KCNH7: variants seen among roughly 807,000 people sequenced by gnomAD.
KCNH7 encodes voltage-gated inwardly rectifying potassium channel KCNH7.
Under a neutral mutation model 120.8 loss-of-function variants are expected in KCNH7, and 49 were observed. That is an observed-to-expected ratio of 0.41 (90% CI 0.32 to 0.51). KCNH7 has a LOEUF of 0.51. Ranked by LOEUF, KCNH7 falls within the 20% of genes least tolerant of loss-of-function variation. The pLI is 0.38. For missense variants in KCNH7, 1,097 were observed against 1,446.6 expected, an observed-to-expected ratio of 0.76 and a Z score of 3.92; for synonymous variants, 547 against 516.1, an observed-to-expected ratio of 1.06 and a Z score of -0.81.
intron 2 of KCNH7, among the ~76,000 whole-genome samples, chr2:162,665,243 T>C (rs1338595140): frequency 6.6e-6 from 1 of 152,142 alleles, no homozygotes; most frequent in Admixed American, 6.5e-5. Context: ...TCATGTCAAA[T>C]TGCAATTTGT....
At chr2:162,388,062 T>G (rs996135227) in intron 12 of KCNH7, among the ~76,000 whole-genome samples, 1 of 151,754 alleles carries the variant, frequency 6.6e-6, no homozygotes, top group Non-Finnish European at 1.5e-5. Flanking sequence ...ATTATTACAT[T>G]GGAAAATTGG....
chr2:162,467,348 C>T (rs1689342733), intron 6 of KCNH7, among the ~76,000 whole-genome samples: 1 of 152,176 alleles, frequency 6.6e-6, no homozygotes, highest in African/African-American at 2.4e-5. Context: ...GAGCTGAAGC[C>T]TAATAGGAGG....
intron 3 of KCNH7, among the ~76,000 whole-genome samples, chr2:162,531,854 C>G (rs1691936124): frequency 6.6e-6 from 1 of 151,874 alleles, no homozygotes; most frequent in African/African-American, 2.4e-5. Flanking sequence ...AAATTATCAG[C>G]TGAGGTATGT....
At chr2:162,724,374 C>T (rs1002383540) in intron 2 of KCNH7, among the ~76,000 whole-genome samples, 5 of 152,076 alleles carry the variant, frequency 3.3e-5, no homozygotes, top group Admixed American at 2.6e-4. Context: ...ATAGAATAAA[C>T]ATAAGAATAT....
intron 8 of KCNH7, among the ~76,000 whole-genome samples, chr2:162,427,665 T>A (rs1687910945): frequency 6.6e-6 from 1 of 151,924 alleles, no homozygotes; most frequent in Non-Finnish European, 1.5e-5. Flanking sequence ...CTTTTCTTAA[T>A]GGTGTGTTTT....
intron 2 of KCNH7, among the ~76,000 whole-genome samples, chr2:162,655,429 T>C (rs1220731923): frequency 1.3e-5 from 2 of 152,148 alleles, no homozygotes; most frequent in Non-Finnish European, 2.9e-5. Context: ...TTATTTGTGG[T>C]GAAATCTTGG....
At chr2:162,601,325 T>C (rs1319638461) in intron 2 of KCNH7, among the ~76,000 whole-genome samples, 1 of 151,070 alleles carries the variant, frequency 6.6e-6, no homozygotes, top group Non-Finnish European at 1.5e-5. Context: ...TGGCTCCAAA[T>C]TCATTTGCCA....
chr2:162,809,552 G>A (rs1036125075), intron 2 of KCNH7, among the ~76,000 whole-genome samples: 3 of 152,062 alleles, frequency 2.0e-5, no homozygotes, highest in African/African-American at 7.2e-5. Flanking sequence ...GTGCATTTTA[G>A]TAAAAAATAA....
intron 2 of KCNH7, among the ~76,000 whole-genome samples, chr2:162,537,571 T>C (rs999988351): frequency 1.3e-5 from 2 of 152,096 alleles, no homozygotes; most frequent in African/African-American, 4.8e-5. Flanking sequence ...GACTCTATCT[T>C]ATATATGTTA....
intron 5 of KCNH7, among the ~76,000 whole-genome samples, chr2:162,506,561 G>T (rs910646417): frequency 1.3e-5 from 2 of 151,850 alleles, no homozygotes; most frequent in Admixed American, 1.3e-4. Flanking sequence ...AGATAACAGA[G>T]ATCAAATATA....
intron 2 of KCNH7, among the ~76,000 whole-genome samples, chr2:162,608,292 A>G (rs1439661424): frequency 6.6e-6 from 1 of 152,196 alleles, no homozygotes; most frequent in Non-Finnish European, 1.5e-5. Flanking sequence ...AACGTAATTC[A>G]GTACTTTTAA....
intron 2 of KCNH7, among the ~76,000 whole-genome samples, chr2:162,770,068 G>A (rs1682986086): frequency 6.6e-6 from 1 of 151,914 alleles, no homozygotes; most frequent in South Asian, 2.1e-4. Context: ...TGAAACAATT[G>A]GCTGGTTTAA....
chr2:162,371,644 AT>A lies in KCNH7; in HGVS notation c.*184del. Reference sequence around the variant, plus strand: ...TTAACATTTGGAACCAAAAGTTCTTATGTATATTTACATCCTAACTGCTCAG... The same window carrying A: ...TTAACATTTGGAACCAAAAGTTCTTAGTATATTTACATCCTAACTGCTCAG... On this transcript the variant is annotated 3_prime_UTR_variant, in exon 16 of 16. Coordinates refer to ENST00000332142, the MANE Select transcript of KCNH7 (RefSeq NM_033272.4). The A allele has an allele frequency of 1.3e-6, 1 of 772,246 alleles. No individual in the cohort carries two copies. The highest frequency in any genetic ancestry group is 2.0e-6 in the Non-Finnish European group (1 of 512,380). The allele number at this position is 772,246 out of a possible 1,614,324, so 47.8% of individuals were successfully genotyped here. A position where few individuals can be genotyped will look rare whatever the true frequency, so the allele number is the denominator to read the frequency against.
chr2:162,678,078 TTAATA>T (rs1379592573), intron 2 of KCNH7, among the ~76,000 whole-genome samples: 1 of 149,266 alleles, frequency 6.7e-6, no homozygotes, highest in African/African-American at 2.5e-5. Context: ...AATCATTTAA[TTAATA>T]TATGTGTAGA....
chr2:162,624,058 T>A (rs1287191097), intron 2 of KCNH7, among the ~76,000 whole-genome samples: 4 of 152,166 alleles, frequency 2.6e-5, no homozygotes, highest in Admixed American at 2.6e-4. Context: ...TTGTCCAGTG[T>A]ATACAAACTC....
At chr2:162,658,090 G>T (rs1290309135) in intron 2 of KCNH7, among the ~76,000 whole-genome samples, 1 of 151,532 alleles carries the variant, frequency 6.6e-6, no homozygotes, top group Non-Finnish European at 1.5e-5. Flanking sequence ...CTTCTGCCAT[G>T]GGAGCACACA....
intron 12 of KCNH7, among the ~76,000 whole-genome samples, chr2:162,393,364 T>G (rs1036657602): frequency 2.6e-5 from 4 of 151,890 alleles, no homozygotes; most frequent in African/African-American, 9.7e-5. Context: ...CATGAACATC[T>G]CCTATGTGAG....
intron 2 of KCNH7, among the ~76,000 whole-genome samples, chr2:162,654,197 G>C (rs1471833383): frequency 6.6e-6 from 1 of 151,034 alleles, no homozygotes; most frequent in Non-Finnish European, 1.5e-5. Flanking sequence ...ACAATCATTA[G>C]AGTGAAGAGA....
chr2:162,643,748 G>A (rs1376104946), intron 2 of KCNH7, among the ~76,000 whole-genome samples: 1 of 143,036 alleles, frequency 7.0e-6, no homozygotes, highest in Admixed American at 7.0e-5. Context: ...GGAGGTTGCA[G>A]TGAGCCGAGA....
Sources: allele counts gnomAD v4.1 joint callset (sites outside exome capture counted in the v4.1 genomes callset), GRCh38; gene constraint gnomAD v4.1.1; transcripts MANE v1.5; gene names NCBI Gene and HGNC (gene_info 2026-07-23, HGNC 2026-07-21).